Variants in SMIM21 observed in about 807,000 individuals in gnomAD.
SMIM21 encodes the protein chromosome 18 open reading frame 62.
SMIM21 carries 8 observed loss-of-function variants against 8.6 expected under a neutral mutation model. The ratio of observed to expected loss-of-function variants is 0.93; its 90% CI spans 0.55 to 1.68. SMIM21 has a LOEUF of 1.68. SMIM21 is among the 40% of genes most tolerant of loss of function. SMIM21 has a pLI of 0.00. For synonymous variants in SMIM21, 43 were observed against 41.7 expected, an observed-to-expected ratio of 1.03 and a Z score of -0.12; for missense variants, 132 against 123.0, an observed-to-expected ratio of 1.07 and a Z score of -0.35.
At chr18:75,426,790 G>A (rs1041316401) in intron 1 of SMIM21, among the ~76,000 whole-genome samples, 8 of 152,150 alleles carry the variant, frequency 5.3e-5, no homozygotes, top group African/African-American at 1.7e-4. Flanking sequence ...GAGGAACCCT[G>A]TGCTACAGGA....
At chr18:75,414,198 T>C (rs1280977835) in intron 2 of SMIM21, among the ~76,000 whole-genome samples, 1 of 152,000 alleles carries the variant, frequency 6.6e-6, no homozygotes, top group Non-Finnish European at 1.5e-5. Context: ...CAAGTTACTA[T>C]TGATTGTAGA....
intron 1 of SMIM21, among the ~76,000 whole-genome samples, chr18:75,423,860 A>G (rs936516209): frequency 6.6e-6 from 1 of 152,160 alleles, no homozygotes; most frequent in East Asian, 1.9e-4. Flanking sequence ...ATAAAAGTCC[A>G]AATTTTTTTT....
intron 2 of SMIM21, chr18:75,415,999 T>A (rs2024640039): frequency 6.6e-6 from 1 of 152,236 alleles, no homozygotes; most frequent in Non-Finnish European, 1.5e-5. Context: ...CAGTACTCAG[T>A]CAAAATCCCT....
chr18:75,420,904 A>T lies in SMIM21; in HGVS notation c.130-1988T>A, dbSNP rs565745495. 1.2e-4 allele frequency among the ~76,000 whole-genome samples: 19 copies of T among 152,320 alleles called. No homozygotes were observed. In the East Asian group the frequency reaches 3.5e-3, roughly 28 times the overall value. ...CACAGGTATTTGTGATATTCCACAA[A>T]TGCCACCACTGCCAGTAGTGAGAGA... On this transcript the variant is annotated intron_variant, in intron 1 of 2. Transcript: ENST00000579022.
chr18:75,418,958 G>A, intron 1 of SMIM21, 42 bp from the exon 2 acceptor site: 2 of 1,326,808 alleles, frequency 1.5e-6, no homozygotes, highest in Non-Finnish European at 2.1e-6. Context: ...ACAGTGTCTG[G>A]CTTTTCAAGC....
intron 2 of SMIM21, among the ~76,000 whole-genome samples, chr18:75,414,518 G>C (rs1342628839): frequency 1.3e-5 from 2 of 152,090 alleles, no homozygotes; most frequent in African/African-American, 4.8e-5. Context: ...GGGAAAGATG[G>C]GTCAAGGAGA....
rs1239468217 is a variant in SMIM21 at position 75,414,108 on chromosome 18, C to CAT, written c.261-3200_261-3199insAT. ...ACACACACACACACATACACACACA[C>CAT]ACACACACACACATACACACACACA... On this transcript the variant is annotated intron_variant, in intron 2 of 2. Coordinates refer to ENST00000579022, the MANE Select transcript of SMIM21 (RefSeq NM_001037331.3). Among the ~76,000 whole-genome samples, 24 of 145,854 alleles carry CAT rather than the reference C, an allele frequency of 1.6e-4. 1 individual carries two copies. Among genetic ancestry groups the CAT allele is most frequent in the East Asian group, 8.2e-4 (4 of 4,884 alleles).
Position 75,410,729 on chromosome 18 carries a change from T to C in SMIM21, c.*135A>G. On this transcript the variant is annotated 3_prime_UTR_variant, in exon 3 of 3. Transcript: ENST00000579022. ...GCAAAAAGTTACACGTTCTTCATTC[T>C]CTCTGTGGAGCTCCTTTTAAAAAGT... The C allele has an allele frequency of 6.7e-7, 1 of 1,485,630 alleles. No homozygotes were observed. Among genetic ancestry groups the C allele is most frequent in the Non-Finnish European group, 8.9e-7 (1 of 1,122,954 alleles). The allele number at this position is 1,485,630 out of a possible 1,614,324, so 92.0% of individuals were successfully genotyped here. A position where few individuals can be genotyped will look rare whatever the true frequency, so the allele number is the denominator to read the frequency against.
chr18:75,426,675 AAAAAGG>A (rs1250523600), intron 1 of SMIM21, among the ~76,000 whole-genome samples: 12 of 149,972 alleles, frequency 8.0e-5, no homozygotes, highest in African/African-American at 2.9e-4. Flanking sequence ...AAAAAAATGG[AAAAAGG>A]AAAAGGAAAT....
At chr18:75,426,434 C>G (rs1361198379) in intron 1 of SMIM21, among the ~76,000 whole-genome samples, 1 of 151,744 alleles carries the variant, frequency 6.6e-6, no homozygotes, top group African/African-American at 2.4e-5. Flanking sequence ...CTCAGCCTCC[C>G]AAGTAGCTGG....
chr18:75,413,620 C>A (rs1362486383), intron 2 of SMIM21, among the ~76,000 whole-genome samples: 1 of 152,182 alleles, frequency 6.6e-6, no homozygotes, highest in Non-Finnish European at 1.5e-5. Context: ...CCCTCCAAAT[C>A]AATTTCTCAG....
intron 2 of SMIM21, chr18:75,417,373 C>A (rs960454285): frequency 6.6e-6 from 1 of 152,142 alleles, no homozygotes; most frequent in Non-Finnish European, 1.5e-5. Context: ...CTGTTGGAAT[C>A]CATAAGGCCT....
intron 2 of SMIM21, chr18:75,412,337 C>T (rs577593761): frequency 1.1e-4 from 16 of 152,172 alleles, no homozygotes; most frequent in Admixed American, 9.2e-4. Context: ...TTAAAGCAGA[C>T]GCTTAAATAA....
intron 1 of SMIM21, among the ~76,000 whole-genome samples, chr18:75,419,521 T>C (rs9319680): frequency 0.46 from 69,522 of 152,068 alleles, 18,365 homozygotes; most frequent in East Asian, 0.79. Flanking sequence ...GCATCTTGAC[T>C]GATAATTGGC....
intron 1 of SMIM21, among the ~76,000 whole-genome samples, chr18:75,424,412 A>G (rs1303749258): frequency 6.6e-6 from 1 of 152,218 alleles, no homozygotes; most frequent in Non-Finnish European, 1.5e-5. Context: ...ATTAACTCAG[A>G]GGAGGGAGGA....
Position 75,410,620 on chromosome 18 carries a change from G to C in SMIM21, c.*244C>G. On this transcript the variant is annotated 3_prime_UTR_variant, in exon 3 of 3. Coordinates refer to ENST00000579022, the MANE Select transcript of SMIM21 (RefSeq NM_001037331.3). ...ACGCAGGGCAGATTTCGCAGGGTTGGGTGGCATCTGCAGCTCTCCTCCGGA... is the reference window on the plus strand; with the variant it reads ...ACGCAGGGCAGATTTCGCAGGGTTGCGTGGCATCTGCAGCTCTCCTCCGGA... The C allele has an allele frequency of 1.9e-6, 2 of 1,028,402 alleles. No homozygotes were observed. Among genetic ancestry groups the C allele is most frequent in the South Asian group, 5.4e-5 (2 of 36,732 alleles). The allele number at this position is 1,028,402 out of a possible 1,614,324, so 63.7% of individuals were successfully genotyped here. A position where few individuals can be genotyped will look rare whatever the true frequency, so the allele number is the denominator to read the frequency against.
rs939320348 is a variant in SMIM21 at position 75,410,708 on chromosome 18, A to C, written c.*156T>G. On this transcript the variant is annotated 3_prime_UTR_variant, in exon 3 of 3. Transcript: ENST00000579022. Reference sequence around the variant, plus strand: ...AACAAAGCAGACATTATCATTGCAAAAAGTTACACGTTCTTCATTCTCTCT... The same window carrying C: ...AACAAAGCAGACATTATCATTGCAACAAGTTACACGTTCTTCATTCTCTCT... 10 of 1,440,348 alleles carry C rather than the reference A, an allele frequency of 6.9e-6. No homozygotes were observed. Among genetic ancestry groups the C allele is most frequent in the Non-Finnish European group, 9.1e-6 (10 of 1,101,716 alleles). The allele number at this position is 1,440,348 out of a possible 1,614,324, so 89.2% of individuals were successfully genotyped here.
rs1355996485 is a variant in SMIM21, at chr18:75,427,567, G to T, written c.-4C>A. ...CTGTGGACACATACTGGTCCATGTG[G>T]GGGCTGCGGCGGTGACCAGTGAGAG... On this transcript the variant is annotated 5_prime_UTR_variant, in exon 1 of 3. Transcript: ENST00000579022. 7.5e-6 allele frequency: 12 copies of T among 1,602,350 alleles called. No individual in the cohort carries two copies. The highest frequency in any genetic ancestry group is 9.4e-6 in the Non-Finnish European group (11 of 1,173,968).
chr18:75,422,197 A>G (rs371894099), intron 1 of SMIM21, among the ~76,000 whole-genome samples: 10 of 152,162 alleles, frequency 6.6e-5, no homozygotes, highest in African/African-American at 2.4e-4. Flanking sequence ...GGAGGCTGCG[A>G]CCCCTTATTC....
Sources: allele counts gnomAD v4.1 joint callset (sites outside exome capture counted in the v4.1 genomes callset), GRCh38; gene constraint gnomAD v4.1.1; transcripts MANE v1.5; gene names NCBI Gene and HGNC (gene_info 2026-07-23, HGNC 2026-07-21).